Variants in CD109 observed in about 807,000 individuals in gnomAD.
The protein encoded by CD109 is CD109 molecule.
A neutral mutation model predicts 165.8 loss-of-function variants in CD109; 149 were observed. That is an observed-to-expected ratio of 0.90 (90% CI 0.79 to 1.03). The LOEUF (loss-of-function observed/expected upper bound fraction) is 1.03, where lower values mean the gene tolerates loss of function less well. CD109 is among the 50% of genes least tolerant of loss of function. The probability of loss-of-function intolerance (pLI) is 0.00; values close to 1 mark genes in which losing one functional copy is unlikely to be tolerated. For synonymous variants in CD109, 585 were observed against 592.1 expected (o/e 0.99, Z 0.18); for missense variants, 1,712 against 1,677.8 (o/e 1.02, Z -0.36).
At chr6:73,688,501 T>G in the CD109 span, among the ~76,000 whole-genome samples, 1 of 152,168 alleles carries the variant, frequency 6.6e-6, no homozygotes, top group Non-Finnish European at 1.5e-5. Flanking sequence ...AGTGTTAGCA[T>G]CTGACACAGA....
At chr6:73,724,172 A>C (rs1159597846) in intron 3 of CD109, among the ~76,000 whole-genome samples, 1 of 151,976 alleles carries the variant, frequency 6.6e-6, no homozygotes, top group Non-Finnish European at 1.5e-5. Flanking sequence ...ATTTTTTGGT[A>C]CCCCCTTAAA....
chr6:73,820,322 T>A, intron 31 of CD109, 139 bp from the exon 32 acceptor site: 1 of 556,244 alleles, frequency 1.8e-6, no homozygotes, highest in Middle Eastern at 4.7e-4. Flanking sequence ...AGGAAGTACT[T>A]ACTGCAGTAT....
At chr6:73,772,449 C>T (rs936862156) in intron 15 of CD109, among the ~76,000 whole-genome samples, 6 of 139,988 alleles carry the variant, frequency 4.3e-5, no homozygotes, top group South Asian at 2.2e-4. Context: ...GAGCTTGCAG[C>T]GAGCAGAAAT....
chr6:73,738,771 A>G (rs1204645677), intron 5 of CD109, among the ~76,000 whole-genome samples: 1 of 152,188 alleles, frequency 6.6e-6, no homozygotes, highest in Admixed American at 6.5e-5. Context: ...TAGACATCTT[A>G]TGTCCCTTAA....
At chr6:73,780,731 TC>T (rs1774451698) in intron 16 of CD109, among the ~76,000 whole-genome samples, 1 of 121,972 alleles carries the variant, frequency 8.2e-6, no homozygotes, top group African/African-American at 3.3e-5. Flanking sequence ...AAATAATTTT[TC>T]CTTTATGTAT....
chr6:73,728,152 C>T (rs1030043322), intron 3 of CD109, among the ~76,000 whole-genome samples: 1 of 152,094 alleles, frequency 6.6e-6, no homozygotes, highest in African/African-American at 2.4e-5. Flanking sequence ...AAAACCTTTT[C>T]TCTACTAAAA....
rs1490042583 is a variant in CD109, at chr6:73,828,095, C to T, written c.*4462C>T. The stretch of plus-strand genomic sequence containing the variant: ...GTCAATCTCTTTGGTACACAGGAAG[C>T]TTTATAAAATTTCATTCACGAATCT... On this transcript the variant is annotated 3_prime_UTR_variant, in exon 33 of 33. Coordinates refer to ENST00000287097, the MANE Select transcript of CD109 (RefSeq NM_133493.5). 6.5e-6 allele frequency: 1 copy of T among 154,694 alleles called. No individual in the cohort carries two copies. Among genetic ancestry groups the T allele is most frequent in the Non-Finnish European group, 1.5e-5 (1 of 68,186 alleles). The allele number at this position is 154,694 out of a possible 1,614,324, so 9.6% of individuals were successfully genotyped here.
intron 7 of CD109, among the ~76,000 whole-genome samples, chr6:73,759,267 T>G (rs1000820012): frequency 5.3e-5 from 8 of 152,202 alleles, no homozygotes; most frequent in Admixed American, 2.6e-4. Context: ...TTCTTAGACT[T>G]ATTAAGGGAT....
chr6:73,689,917 G>A, the CD109 span, among the ~76,000 whole-genome samples: 1 of 152,098 alleles, frequency 6.6e-6, no homozygotes, highest in Non-Finnish European at 1.5e-5. Flanking sequence ...GTGAAACAGT[G>A]TAATTAAATC....
chr6:73,808,327 T>A, intron 26 of CD109, 79 bp downstream of exon 26: 1 of 1,382,522 alleles, frequency 7.2e-7, no homozygotes, highest in Non-Finnish European at 9.9e-7. Flanking sequence ...TAGCCAGGTT[T>A]GAAATTGATT....
intron 2 of CD109, among the ~76,000 whole-genome samples, chr6:73,717,532 G>C (rs1467468743): frequency 6.7e-6 from 1 of 148,952 alleles, no homozygotes; most frequent in Admixed American, 6.7e-5. Flanking sequence ...AACTTTATTT[G>C]CTGCTATTGT....
At chr6:73,811,355 C>T (rs76780750) in intron 28 of CD109, among the ~76,000 whole-genome samples, 3,606 of 152,202 alleles carry the variant, frequency 0.024, 159 homozygotes, top group African/African-American at 0.082. Flanking sequence ...CAGGAGAAAA[C>T]ACGGGCACTG....
rs532421969 is a variant in CD109 at position 73,738,458 on chromosome 6, C to T, written c.633+1950C>T. Reference sequence around the variant, plus strand: ...CAATGACCAGCAAGAGCAGTTTTAGCTGGATAACAGGCGCTGAGGGATTAA... The same window carrying T: ...CAATGACCAGCAAGAGCAGTTTTAGTTGGATAACAGGCGCTGAGGGATTAA... On this transcript the variant is annotated intron_variant, in intron 5 of 32. Coordinates refer to ENST00000287097, the MANE Select transcript of CD109 (RefSeq NM_133493.5). 5.9e-5 allele frequency among the ~76,000 whole-genome samples: 9 copies of T among 152,288 alleles called. No homozygotes were observed. In the East Asian group the frequency reaches 1.7e-3, roughly 29 times the overall value.
intron 3 of CD109, among the ~76,000 whole-genome samples, chr6:73,729,491 GTTATTATTATTATTATTA>G (rs144709719): frequency 2.4e-4 from 34 of 142,044 alleles, no homozygotes; most frequent in Middle Eastern, 3.6e-3. Context: ...GACTTCTATT[GTTATTATTATTATTATTA>G]TTATTATTAT....
chr6:73,799,854 CG>C (rs1482812191), intron 23 of CD109, among the ~76,000 whole-genome samples: 3 of 149,710 alleles, frequency 2.0e-5, no homozygotes, highest in Admixed American at 1.3e-4. Context: ...CATTTCCCCC[CG>C]CAATTTTTTT....
At chr6:73,700,793 T>TG (rs1771041554) in intron 2 of CD109, among the ~76,000 whole-genome samples, 1 of 112,178 alleles carries the variant, frequency 8.9e-6, no homozygotes, top group Admixed American at 8.5e-5. Context: ...GATTGTAGTT[T>TG]TTTTTTTTTT....
intron 10 of CD109, among the ~76,000 whole-genome samples, chr6:73,764,836 A>AAC (rs1443592206): frequency 4.9e-4 from 75 of 151,760 alleles, no homozygotes; most frequent in African/African-American, 1.7e-3. Context: ...AAAAAAAACA[A>AAC]CTAAAACGAC....
At chr6:73,691,883 G>A (rs186374501), upstream of CD109, among the ~76,000 whole-genome samples, 29 of 152,300 alleles carry the variant, frequency 1.9e-4, no homozygotes, top group Non-Finnish European at 3.5e-4. Flanking sequence ...TTGGCTCACA[G>A]TTCCACAGGC....
chr6:73,757,320 C>T (rs1249718008), intron 6 of CD109, among the ~76,000 whole-genome samples: 1 of 152,136 alleles, frequency 6.6e-6, no homozygotes, highest in Non-Finnish European at 1.5e-5. Flanking sequence ...ACCTCAGGCT[C>T]TGTGGGCCAT....
Sources: allele counts gnomAD v4.1 joint callset (sites outside exome capture counted in the v4.1 genomes callset), GRCh38; gene constraint gnomAD v4.1.1; transcripts MANE v1.5; gene names NCBI Gene and HGNC (gene_info 2026-07-23, HGNC 2026-07-21).